The following CD58 variants were observed in gnomAD, a reference collection of about 807,000 sequenced individuals.
The protein encoded by CD58 is lymphocyte function-associated antigen 3.
A neutral mutation model predicts 27.6 loss-of-function variants in CD58; 14 were observed. That is an observed-to-expected ratio of 0.51 (90% CI 0.34 to 0.79). CD58 has a LOEUF of 0.79. CD58 is among the 30% of genes least tolerant of loss of function. The pLI is 0.02. For missense variants in CD58, 268 were observed against 301.7 expected, an observed-to-expected ratio of 0.89 and a Z score of 0.83; for synonymous variants, 117 against 103.8, an observed-to-expected ratio of 1.13 and a Z score of -0.77.
In CD58 at chr1:116,552,859, G is replaced by A. The variant is rs987219071; in HGVS notation, c.71-8255C>T. On this transcript the variant is annotated intron_variant, in intron 1 of 5. Coordinates refer to ENST00000369489, the MANE Select transcript of CD58 (RefSeq NM_001779.3). This position sits in a 1 kb window ranked among gnomAD's most constrained non-coding sequence, Gnocchi z 4.5. ...TGGGAGTAGAGTGGAGCTGGGAGTT[G>A]CTACATCAAAAGGTAAATAGATTTT... Among the ~76,000 whole-genome samples the A allele has an allele frequency of 2.0e-5, 3 of 151,158 alleles. No individual in the cohort carries two copies. The highest frequency in any genetic ancestry group is 4.8e-5 in the African/African-American group (2 of 41,340).
Position 116,519,426 on chromosome 1 carries a change from G to C in CD58, c.707-159C>G, listed in dbSNP as rs1348756134. On this transcript the variant is annotated intron_variant, in intron 4 of 5. Coordinates refer to ENST00000369489, the MANE Select transcript of CD58 (RefSeq NM_001779.3). This position sits in a 1 kb window ranked among gnomAD's most constrained non-coding sequence, Gnocchi z 4.7. ...ATCCTATATGCTTTAAATCAAATCG[G>C]CTACAGAGCTGGTCCAAAGAGTTGT... The C allele has an allele frequency of 1.4e-6, 1 of 702,110 alleles. No homozygotes were observed. Among genetic ancestry groups the C allele is most frequent in the African/African-American group, 1.8e-5 (1 of 56,338 alleles). The allele number at this position is 702,110 out of a possible 1,614,324, so 43.5% of individuals were successfully genotyped here.
intron 1 of CD58, among the ~76,000 whole-genome samples, chr1:116,547,529 CCA>C (rs1658227831): frequency 6.6e-6 from 1 of 151,914 alleles, no homozygotes; most frequent in African/African-American, 2.4e-5. Context: ...CGGGGTTTCA[CCA>C]TGTTAGCCAG....
intron 1 of CD58, among the ~76,000 whole-genome samples, chr1:116,565,941 T>A (rs1658915636): frequency 6.6e-6 from 1 of 152,092 alleles, no homozygotes; most frequent in East Asian, 1.9e-4. Context: ...ATGGTCTCAA[T>A]CTCCTGACCT....
chr1:116,544,994 G>A (rs1395611353), intron 1 of CD58, among the ~76,000 whole-genome samples: 2 of 152,212 alleles, frequency 1.3e-5, no homozygotes, highest in East Asian at 3.9e-4. Context: ...GCAAATCACT[G>A]AAGGATAAAA....
chr1:116,525,248 T>C (rs1288672796), intron 3 of CD58, among the ~76,000 whole-genome samples: 1 of 152,222 alleles, frequency 6.6e-6, no homozygotes, highest in Admixed American at 6.5e-5. Flanking sequence ...GTCTCCACAG[T>C]TTTGCCTTTT....
At chr1:116,539,054 A>G (rs1212567040) in intron 2 of CD58, among the ~76,000 whole-genome samples, 1 of 152,316 alleles carries the variant, frequency 6.6e-6, no homozygotes, top group African/African-American at 2.4e-5. Flanking sequence ...CCTCTCTACA[A>G]TAAGGACACA....
intron 3 of CD58, chr1:116,533,777 T>C (rs1034920): frequency 0.17 from 120,936 of 720,530 alleles, 15,854 homozygotes; most frequent in East Asian, 0.56. Flanking sequence ...AATTCTCTTC[T>C]CTCGTCAAAG....
intron 1 of CD58, among the ~76,000 whole-genome samples, chr1:116,565,285 T>TTA (rs1658892876): frequency 6.6e-6 from 1 of 152,236 alleles, no homozygotes; most frequent in Admixed American, 6.5e-5. Flanking sequence ...CTGACTACTT[T>TTA]TATAACTTCA....
Position 116,535,561 on chromosome 1 carries a change from G to GTCTGAAAGCCTCCATGA in CD58, c.628+403_628+404insTCATGGAGGCTTTCAGA, listed in dbSNP as rs1322120420. ...TTCTGTTAAAAATTGTAACTTGTTG[G>GTCTGAAAGCCTCCATGA]CCGGGCGCGGTGGCTCACGCCTGTA... is the stretch of plus-strand genomic sequence containing the variant. On this transcript the variant is annotated intron_variant, in intron 3 of 5. Coordinates refer to ENST00000369489, the MANE Select transcript of CD58 (RefSeq NM_001779.3). Among the ~76,000 whole-genome samples, 39 of 100,300 alleles carry GTCTGAAAGCCTCCATGA rather than the reference G, an allele frequency of 3.9e-4. 2 individuals carry two copies. The East Asian group carries it at 4.4e-3, about 11-fold the overall frequency. The allele number at this position is 100,300 out of a possible 152,430, so 65.8% of individuals were successfully genotyped here. A position where few individuals can be genotyped will look rare whatever the true frequency, so the allele number is the denominator to read the frequency against.
intron 2 of CD58, among the ~76,000 whole-genome samples, chr1:116,543,376 G>A (rs187416778): frequency 2.6e-5 from 4 of 152,150 alleles, no homozygotes; most frequent in Admixed American, 2.6e-4. Context: ...GGGTAACGTA[G>A]AGGAAAAGAT....
rs1657330487 is a variant in CD58 at position 116,523,400 on chromosome 1, G to A, written c.629-1417C>T. On this transcript the variant is annotated intron_variant, in intron 3 of 5. Coordinates refer to ENST00000369489, the MANE Select transcript of CD58 (RefSeq NM_001779.3). This position sits in a 1 kb window ranked among gnomAD's most constrained non-coding sequence, Gnocchi z 4.4. ...AAGGGAAAGGAAGGGAGAGGAGGAA[G>A]AGAGAGAGAAAATGAATGAATAAAT... 6.6e-6 allele frequency among the ~76,000 whole-genome samples: 1 copy of A among 152,110 alleles called. No homozygotes were observed. The highest frequency in any genetic ancestry group is 2.1e-4 in the South Asian group (1 of 4,820).
In CD58 at chr1:116,559,775, T is replaced by C. The variant is rs1041669518; in HGVS notation, c.70+11128A>G. Among the ~76,000 whole-genome samples, 10 of 152,318 alleles carry C rather than the reference T, an allele frequency of 6.6e-5. No homozygotes were observed. The highest frequency in any genetic ancestry group is 2.0e-4 in the Admixed American group (3 of 15,302). On this transcript the variant is annotated intron_variant, in intron 1 of 5. Transcript: ENST00000369489. The surrounding 1 kb of genome is among the most constrained non-coding windows in gnomAD (Gnocchi z 4.4). ...TTCTTTCTGTACTTTCCTTCTAATATGATGCTAAAATAGTTTCCTTTTTAA... is the reference window on the plus strand; with the variant it reads ...TTCTTTCTGTACTTTCCTTCTAATACGATGCTAAAATAGTTTCCTTTTTAA...
chr1:116,537,495 C>T (rs1332686240), intron 2 of CD58, among the ~76,000 whole-genome samples: 2 of 152,166 alleles, frequency 1.3e-5, no homozygotes, highest in Non-Finnish European at 2.9e-5. Flanking sequence ...AGAGCCTTGT[C>T]GGGCCCTGCC....
At chr1:116,551,479 G>A (rs1658388738) in intron 1 of CD58, among the ~76,000 whole-genome samples, 1 of 152,198 alleles carries the variant, frequency 6.6e-6, no homozygotes, top group Admixed American at 6.5e-5. Flanking sequence ...AGCCTTCACA[G>A]AACTAAAGAG....
chr1:116,545,008 A>G (rs898603861), intron 1 of CD58, among the ~76,000 whole-genome samples: 2 of 152,224 alleles, frequency 1.3e-5, no homozygotes, highest in Non-Finnish European at 2.9e-5. Flanking sequence ...GATAAAAGGC[A>G]GTTAGGCCGC....
At position 116,515,085 on chromosome 1, in the gene CD58, A is replaced by G. The variant is rs1204536656; in HGVS notation, c.744-263T>C. On this transcript the variant is annotated intron_variant, in intron 5 of 5. Coordinates refer to ENST00000369489, the MANE Select transcript of CD58 (RefSeq NM_001779.3). The surrounding 1 kb of genome is among the most constrained non-coding windows in gnomAD (Gnocchi z 4.6). ...GGCTCCTCCCGCTTACTCTCTGAGT[A>G]TAACTGAAAGATTGAACAACAGAGC... Among the ~76,000 whole-genome samples the G allele has an allele frequency of 6.6e-6, 1 of 152,236 alleles. No homozygotes were observed. The highest frequency in any genetic ancestry group is 1.9e-4 in the East Asian group (1 of 5,200).
chr1:116,549,106 T>C (rs1368005434), intron 1 of CD58, among the ~76,000 whole-genome samples: 1 of 152,180 alleles, frequency 6.6e-6, no homozygotes, highest in Non-Finnish European at 1.5e-5. Flanking sequence ...ACTCAGGAAA[T>C]ATTCATTGGG....
In CD58 at chr1:116,565,704, T is replaced by G. The variant is rs149440735; in HGVS notation, c.70+5199A>C. Among the ~76,000 whole-genome samples the G allele has an allele frequency of 2.4e-3, 368 of 151,606 alleles. 4 individuals carry two copies. Among genetic ancestry groups the G allele is most frequent in the Middle Eastern group, 0.024 (7 of 294 alleles). ...AAAAAAAAAGAATCCAAATAACTTT[T>G]TTTTGTTTTGTTTTGTTTTTTTGTT... On this transcript the variant is annotated intron_variant, in intron 1 of 5. Coordinates refer to ENST00000369489, the MANE Select transcript of CD58 (RefSeq NM_001779.3).
intron 1 of CD58, among the ~76,000 whole-genome samples, chr1:116,549,841 T>TA (rs1207032935): frequency 3.9e-5 from 6 of 152,338 alleles, no homozygotes; most frequent in Non-Finnish European, 7.3e-5. Flanking sequence ...AGCTTGAAGA[T>TA]ACCGTGGGTT....
Sources: allele counts gnomAD v4.1 joint callset (sites outside exome capture counted in the v4.1 genomes callset), GRCh38; gene constraint gnomAD v4.1.1; non-coding constraint Gnocchi (gnomAD v3.1); transcripts MANE v1.5; gene names NCBI Gene and HGNC (gene_info 2026-07-23, HGNC 2026-07-21).